KCNK2: variants seen among roughly 807,000 people sequenced by gnomAD.
KCNK2 encodes the protein potassium two pore domain channel subfamily K member 2, also known as potassium channel subfamily K member 2.
A neutral mutation model predicts 40.5 loss-of-function variants in KCNK2; 21 were observed. That is an observed-to-expected ratio of 0.52 (90% CI 0.37 to 0.75). The LOEUF (loss-of-function observed/expected upper bound fraction) is 0.75. Ranked by LOEUF, KCNK2 falls within the 30% of genes least tolerant of loss-of-function variation. The probability of loss-of-function intolerance (pLI) is 0.00; values close to 1 mark genes in which losing one functional copy is unlikely to be tolerated. For missense variants in KCNK2, 399 were observed against 531.6 expected (o/e 0.75, Z 2.45); for synonymous variants, 191 against 202.2 (o/e 0.94, Z 0.47).
At chr1:215,230,528 T>TATACACATAACAGCA (rs1553276494) in intron 6 of KCNK2, among the ~76,000 whole-genome samples, 1 of 87,980 alleles carries the variant, frequency 1.1e-5, no homozygotes, top group African/African-American at 5.3e-5. Context: ...TATATATATA[T>TATACACATAACAGCA]ATATGTATAT....
At chr1:215,102,904 T>G (rs1340779004) in intron 2 of KCNK2, among the ~76,000 whole-genome samples, 1 of 152,010 alleles carries the variant, frequency 6.6e-6, no homozygotes, top group African/African-American at 2.4e-5. Flanking sequence ...CACACAAGGA[T>G]GAAATTGCTT....
chr1:215,084,363 T>G (rs947359048), intron 1 of KCNK2, among the ~76,000 whole-genome samples: 11 of 152,180 alleles, frequency 7.2e-5, no homozygotes, highest in Non-Finnish European at 1.0e-4. Context: ...ACCACTGATG[T>G]GAAAAATCAC....
upstream of KCNK2, chr1:215,081,735 C>G (rs904202850): frequency 3.9e-5 from 6 of 152,094 alleles, no homozygotes; most frequent in African/African-American, 1.4e-4. Context: ...GGGATTCCCG[C>G]TGAGAAAGTG....
At chr1:215,071,543 G>A (rs1164258950) in intron 1 of KCNK2, among the ~76,000 whole-genome samples, 1 of 152,182 alleles carries the variant, frequency 6.6e-6, no homozygotes. Context: ...GAAGCATCTA[G>A]TAGTGTTGCA....
intron 1 of KCNK2, among the ~76,000 whole-genome samples, chr1:215,047,363 G>A (rs1006684876): frequency 3.3e-5 from 5 of 152,034 alleles, no homozygotes; most frequent in African/African-American, 9.7e-5. Flanking sequence ...AAACAACTGA[G>A]TAAAGAGTTA....
chr1:215,181,017 C>T (rs948669488), intron 5 of KCNK2, among the ~76,000 whole-genome samples: 1 of 152,150 alleles, frequency 6.6e-6, no homozygotes, highest in Non-Finnish European at 1.5e-5. Context: ...GATTTTGCCA[C>T]TTTACATAAT....
intron 3 of KCNK2, among the ~76,000 whole-genome samples, chr1:215,166,902 G>A (rs534541594): frequency 5.3e-5 from 8 of 152,038 alleles, no homozygotes; most frequent in Middle Eastern, 3.4e-3. Context: ...GAGTTACTAC[G>A]TGGTTCAACA....
At chr1:215,088,938 A>G (rs182999082) in intron 2 of KCNK2, among the ~76,000 whole-genome samples, 9 of 152,126 alleles carry the variant, frequency 5.9e-5, no homozygotes, top group Non-Finnish European at 1.0e-4. Flanking sequence ...TTACTCTTAC[A>G]CTGTTCACCT....
At chr1:215,107,235 A>G (rs143388310) in intron 2 of KCNK2, among the ~76,000 whole-genome samples, 2 of 152,048 alleles carry the variant, frequency 1.3e-5, no homozygotes, top group East Asian at 1.9e-4. Flanking sequence ...ACACTTTTCC[A>G]TCTGTTTGTG....
At chr1:215,180,261 G>C (rs1484561154) in intron 5 of KCNK2, among the ~76,000 whole-genome samples, 3 of 152,106 alleles carry the variant, frequency 2.0e-5, no homozygotes, top group Non-Finnish European at 4.4e-5. Context: ...TTATCTGTGA[G>C]ATGGGTCTCT....
upstream of KCNK2, among the ~76,000 whole-genome samples, chr1:215,080,153 GA>G (rs1659095663): frequency 6.6e-6 from 1 of 152,126 alleles, no homozygotes; most frequent in African/African-American, 2.4e-5. Flanking sequence ...CATGAGTCTG[GA>G]AAAACAGAAG....
chr1:215,041,977 A>G (rs1429661049), intron 1 of KCNK2, among the ~76,000 whole-genome samples: 1 of 152,206 alleles, frequency 6.6e-6, no homozygotes, highest in African/African-American at 2.4e-5. Flanking sequence ...CACGTCTTAC[A>G]TGGTGGCAGC....
At chr1:215,196,056 A>G (rs1446111289) in intron 6 of KCNK2, among the ~76,000 whole-genome samples, 1 of 150,688 alleles carries the variant, frequency 6.6e-6, no homozygotes, top group Non-Finnish European at 1.5e-5. Flanking sequence ...CCCTTTACAA[A>G]TGTTTTCTTT....
intron 3 of KCNK2, among the ~76,000 whole-genome samples, chr1:215,132,227 G>C (rs1661708954): frequency 6.6e-6 from 1 of 152,132 alleles, no homozygotes; most frequent in African/African-American, 2.4e-5. Flanking sequence ...TGTGTTTTCT[G>C]TTCAACTTTA....
chr1:215,009,838 A>G (rs912517633), intron 1 of KCNK2, among the ~76,000 whole-genome samples: 4 of 152,168 alleles, frequency 2.6e-5, no homozygotes, highest in African/African-American at 9.6e-5. Context: ...TGTCTTCTCT[A>G]CTATAAGTAT....
At chr1:215,204,931 C>A (rs912659994) in intron 6 of KCNK2, among the ~76,000 whole-genome samples, 3 of 152,142 alleles carry the variant, frequency 2.0e-5, no homozygotes, top group African/African-American at 7.2e-5. Flanking sequence ...TTTAGCTCCT[C>A]CTGCCTCAAA....
intron 6 of KCNK2, among the ~76,000 whole-genome samples, chr1:215,222,977 AG>A (rs749472892): frequency 1.2e-4 from 19 of 152,242 alleles, no homozygotes; most frequent in Middle Eastern, 3.4e-3. Context: ...CTTTCTTCAA[AG>A]CATTAAGGTA....
chr1:215,048,038 T>G (rs1264757719), intron 1 of KCNK2, among the ~76,000 whole-genome samples: 1 of 152,210 alleles, frequency 6.6e-6, no homozygotes, highest in Non-Finnish European at 1.5e-5. Flanking sequence ...GTGAACATTC[T>G]GATAATATTA....
At chr1:215,122,166 A>G (rs1661217847) in intron 2 of KCNK2, among the ~76,000 whole-genome samples, 1 of 152,114 alleles carries the variant, frequency 6.6e-6, no homozygotes, top group Non-Finnish European at 1.5e-5. Context: ...GGAACTCAAT[A>G]CATAGAGATT....
Sources: gnomAD v4.1 joint callset for allele counts (sites outside exome capture counted in the v4.1 genomes callset) on GRCh38, gnomAD v4.1.1 for gene constraint, MANE v1.5 for transcripts, NCBI Gene and HGNC (gene_info 2026-07-23, HGNC 2026-07-21) for gene names.